The following COMMD10 variants were observed in gnomAD, a reference collection of about 807,000 sequenced individuals.
COMMD10 encodes COMM domain-containing protein 10.
COMMD10 carries 33 observed loss-of-function variants against 28.9 expected under a neutral mutation model. The observed-to-expected ratio is 1.14, with a 90% CI of 0.87 to 1.53. COMMD10 has a LOEUF of 1.53. COMMD10 is among the 40% of genes most tolerant of loss of function. The probability of loss-of-function intolerance (pLI) is 0.00; values close to 1 mark genes in which losing one functional copy is unlikely to be tolerated. For missense variants in COMMD10, 310 were observed against 233.4 expected (o/e 1.33, Z -2.14); for synonymous variants, 110 against 81.7 (o/e 1.35, Z -1.87).
chr5:116,151,515 A>T (rs1250037872), intron 5 of COMMD10, among the ~76,000 whole-genome samples: 1 of 152,138 alleles, frequency 6.6e-6, no homozygotes, highest in Non-Finnish European at 1.5e-5. Flanking sequence ...TAAGCTATTG[A>T]TTATTGCCAC....
intron 4 of COMMD10, among the ~76,000 whole-genome samples, chr5:116,114,180 T>C (rs1455872579): frequency 1.3e-5 from 2 of 152,156 alleles, no homozygotes; most frequent in African/African-American, 4.8e-5. Context: ...AGTGGTTGTC[T>C]AAGCAGGTCT....
intron 5 of COMMD10, among the ~76,000 whole-genome samples, chr5:116,176,144 C>T (rs1753503175): frequency 6.6e-6 from 1 of 152,098 alleles, no homozygotes. Context: ...GATAGATTGT[C>T]TTTGTCTCCC....
intron 4 of COMMD10, among the ~76,000 whole-genome samples, chr5:116,116,291 T>G (rs922127553): frequency 1.3e-5 from 2 of 152,226 alleles, no homozygotes; most frequent in Non-Finnish European, 1.5e-5. Context: ...ATTGTTACTT[T>G]AAAAACTTAT....
chr5:116,250,679 T>G (rs1580582935), intron 5 of COMMD10, among the ~76,000 whole-genome samples: 1 of 151,940 alleles, frequency 6.6e-6, no homozygotes, highest in East Asian at 1.9e-4. Context: ...AGCTAACTGA[T>G]GGAACAAGCA....
chr5:116,212,657 A>C (rs545682603), intron 5 of COMMD10, among the ~76,000 whole-genome samples: 4 of 152,070 alleles, frequency 2.6e-5, no homozygotes, highest in African/African-American at 9.7e-5. Flanking sequence ...TACTATTGAC[A>C]TTTTATTGAA....
At chr5:116,209,812 A>G (rs1287154973) in intron 5 of COMMD10, among the ~76,000 whole-genome samples, 1 of 152,128 alleles carries the variant, frequency 6.6e-6, no homozygotes, top group Admixed American at 6.6e-5. Context: ...TCTTTAAGAT[A>G]TTGTCAGCTA....
intron 5 of COMMD10, among the ~76,000 whole-genome samples, chr5:116,151,028 G>A (rs1045306625): frequency 3.3e-5 from 5 of 150,358 alleles, no homozygotes; most frequent in African/African-American, 7.3e-5. Flanking sequence ...TTTGAAATAC[G>A]TCCCATCAAT....
chr5:116,096,542 AGTTT>A (rs1561597932), intron 4 of COMMD10, among the ~76,000 whole-genome samples: 1 of 152,046 alleles, frequency 6.6e-6, no homozygotes, highest in Non-Finnish European at 1.5e-5. Flanking sequence ...GAATAAAGAC[AGTTT>A]TATTTCTTCC....
At chr5:116,102,189 A>C (rs1236646512) in intron 4 of COMMD10, among the ~76,000 whole-genome samples, 2 of 152,190 alleles carry the variant, frequency 1.3e-5, no homozygotes, top group African/African-American at 2.4e-5. Context: ...TTAAATTTCA[A>C]GTATTCCATT....
chr5:116,240,883 T>G (rs1331850280), intron 5 of COMMD10, among the ~76,000 whole-genome samples: 1 of 152,222 alleles, frequency 6.6e-6, no homozygotes, highest in Non-Finnish European at 1.5e-5. Context: ...AACTGCTGGC[T>G]CCTCAAAATG....
intron 4 of COMMD10, among the ~76,000 whole-genome samples, chr5:116,123,437 T>C (rs994212655): frequency 6.6e-6 from 1 of 152,216 alleles, no homozygotes; most frequent in African/African-American, 2.4e-5. Flanking sequence ...TTGTGGTGGA[T>C]AAACTTTTTG....
At chr5:116,161,004 C>T (rs1191779360) in intron 5 of COMMD10, among the ~76,000 whole-genome samples, 1 of 151,800 alleles carries the variant, frequency 6.6e-6, no homozygotes, top group African/African-American at 2.4e-5. Flanking sequence ...AAAAATAATA[C>T]TGATGGTAAA....
At position 116,254,227 on chromosome 5, in the gene COMMD10, G is replaced by A. The variant is rs533393758; in HGVS notation, c.511-37290G>A. Among the ~76,000 whole-genome samples the A allele has an allele frequency of 1.4e-4, 22 of 151,862 alleles. No homozygotes were observed. In the South Asian group the frequency reaches 4.4e-3, roughly 30 times the overall value. ...TTCTTGCTAGCGGTCTATCAATTTT[G>A]TTGATCCTTTCAAAAAACCAGTTCC... On this transcript the variant is annotated intron_variant, in intron 5 of 6. Transcript: ENST00000274458.
chr5:116,101,086 T>C (rs1297000656), intron 4 of COMMD10, among the ~76,000 whole-genome samples: 2 of 152,240 alleles, frequency 1.3e-5, no homozygotes, highest in Non-Finnish European at 2.9e-5. Flanking sequence ...TTCTTTTTTA[T>C]GGCTCAATAG....
chr5:116,247,816 G>T (rs1001775171), intron 5 of COMMD10, among the ~76,000 whole-genome samples: 7 of 152,026 alleles, frequency 4.6e-5, no homozygotes, highest in African/African-American at 1.7e-4. Context: ...CTATTGGAGG[G>T]TGAAGGTGGG....
At chr5:116,246,939 A>C (rs1410212598) in intron 5 of COMMD10, among the ~76,000 whole-genome samples, 1 of 152,110 alleles carries the variant, frequency 6.6e-6, no homozygotes, top group Non-Finnish European at 1.5e-5. Flanking sequence ...TGATGAAGAC[A>C]CCGAAAGCGA....
At chr5:116,167,874 A>G (rs963926776) in intron 5 of COMMD10, among the ~76,000 whole-genome samples, 1 of 152,222 alleles carries the variant, frequency 6.6e-6, no homozygotes, top group Non-Finnish European at 1.5e-5. Context: ...GCCACTGCAA[A>G]AACATACAAA....
intron 5 of COMMD10, among the ~76,000 whole-genome samples, chr5:116,210,969 T>C (rs1373924254): frequency 6.6e-6 from 1 of 152,088 alleles, no homozygotes; most frequent in Non-Finnish European, 1.5e-5. Flanking sequence ...TTGAAGAAGG[T>C]GACTTAATAT....
At chr5:116,258,331 G>T (rs898099742) in intron 5 of COMMD10, among the ~76,000 whole-genome samples, 27 of 151,670 alleles carry the variant, frequency 1.8e-4, no homozygotes, top group African/African-American at 6.1e-4. Context: ...GAATGCTTTT[G>T]TATTTTAATT....
Sources: gnomAD v4.1 joint callset for allele counts (sites outside exome capture counted in the v4.1 genomes callset) on GRCh38, gnomAD v4.1.1 for gene constraint, MANE v1.5 for transcripts, NCBI Gene and HGNC (gene_info 2026-07-23, HGNC 2026-07-21) for gene names.